The following LAMA2 variants were observed in gnomAD, a reference collection of about 807,000 sequenced individuals.
LAMA2 encodes laminin subunit alpha 2, also known as laminin subunit alpha-2.
In LAMA2, 269 loss-of-function variants were observed where a neutral mutation model predicts 364.8. The observed-to-expected ratio is 0.74, with a 90% CI of 0.67 to 0.82. The LOEUF (loss-of-function observed/expected upper bound fraction) is 0.82, where lower values mean the gene tolerates loss of function less well. Among genes scored for constraint, LAMA2 ranks in the 40% least tolerant of loss-of-function variants. LAMA2 has a pLI of 0.00. For missense variants in LAMA2, 3,807 were observed against 3,873.2 expected (o/e 0.98, Z 0.45); for synonymous variants, 1,379 against 1,370.6 (o/e 1.01, Z -0.14).
chr6:128,911,079 GCTGT>G (rs948757990), intron 1 of LAMA2, among the ~76,000 whole-genome samples: 3 of 152,118 alleles, frequency 2.0e-5, no homozygotes, highest in African/African-American at 7.2e-5. Context: ...AGAGGTTACT[GCTGT>G]CTTTTTGTTT....
intron 45 of LAMA2, among the ~76,000 whole-genome samples, chr6:129,451,381 C>T (rs1314664199): frequency 6.6e-6 from 1 of 152,164 alleles, no homozygotes; most frequent in African/African-American, 2.4e-5. Flanking sequence ...GTCCTGCACC[C>T]AGCAGTTGGC....
intron 1 of LAMA2, among the ~76,000 whole-genome samples, chr6:129,013,211 G>A (rs182337774): frequency 1.2e-3 from 179 of 152,236 alleles, no homozygotes; most frequent in Middle Eastern, 3.4e-3. Flanking sequence ...TGAGGCGGGC[G>A]GATCACGAGG....
At position 129,481,380 on chromosome 6, in the gene LAMA2, C is replaced by G; in HGVS notation, c.7690C>G (p.Leu2564Val). 1 of 1,613,984 alleles carries G rather than the reference C, an allele frequency of 6.2e-7. No homozygotes were observed. The highest frequency in any genetic ancestry group is 8.5e-7 in the Non-Finnish European group (1 of 1,179,904). ...FSTKNESGII[L>V]LGSGGTPAPP... ...CACCAAGAATGAGTCCGGCATCATT[C>G]TTTTGGGAAGTGGAGGGACACCAGC... is the stretch of plus-strand genomic sequence containing the variant. Residue 2564 changes from leucine (L) to valine (V), a missense_variant, in exon 55 of 65, where the codon CTT becomes GTT. By Grantham distance (32) the Leu-to-Val change is conservative (BLOSUM62 1). Transcript: ENST00000421865.
intron 51 of LAMA2, among the ~76,000 whole-genome samples, chr6:129,471,581 T>C (rs1415243082): frequency 3.3e-5 from 5 of 151,914 alleles, no homozygotes; most frequent in Admixed American, 6.6e-5. Context: ...CAGCCCCATA[T>C]GAAAATACCT....
At chr6:129,295,997 T>C (rs748736386) in intron 20 of LAMA2, among the ~76,000 whole-genome samples, 27 of 151,968 alleles carry the variant, frequency 1.8e-4, no homozygotes, top group Non-Finnish European at 3.2e-4. Flanking sequence ...GGGTATGTAA[T>C]TGAAATTTAC....
At chr6:129,193,687 G>A (rs1781672599) in intron 12 of LAMA2, among the ~76,000 whole-genome samples, 1 of 152,128 alleles carries the variant, frequency 6.6e-6, no homozygotes, top group African/African-American at 2.4e-5. Flanking sequence ...GGTGTGATGG[G>A]AAAATCCCTT....
rs114325214 is a variant in LAMA2, at chr6:129,290,119, T to C, written c.2750-1495T>C. Among the ~76,000 whole-genome samples the C allele has an allele frequency of 4.8e-3, 733 of 152,286 alleles. 4 individuals carry two copies. The highest frequency in any genetic ancestry group is 0.017 in the African/African-American group (717 of 41,572). On this transcript the variant is annotated intron_variant, in intron 19 of 64. Transcript: ENST00000421865. ...ACTTTAGCAAAACTTTATACTGCTT[T>C]GTTGTTTTTACGATAACATTAATTA...
intron 3 of LAMA2, among the ~76,000 whole-genome samples, chr6:129,078,871 C>T (rs1389578435): frequency 6.6e-6 from 1 of 152,216 alleles, no homozygotes; most frequent in Non-Finnish European, 1.5e-5. Context: ...CTGGGCACGT[C>T]ATATAAGTGG....
At chr6:129,413,519 C>T (rs1221404712) in intron 40 of LAMA2, among the ~76,000 whole-genome samples, 1 of 152,066 alleles carries the variant, frequency 6.6e-6, no homozygotes, top group Non-Finnish European at 1.5e-5. Flanking sequence ...CAAAGGACCA[C>T]AACCTAGATC....
At chr6:129,337,671 A>G (rs1776031174) in intron 29 of LAMA2, among the ~76,000 whole-genome samples, 2 of 152,134 alleles carry the variant, frequency 1.3e-5, no homozygotes, top group Non-Finnish European at 2.9e-5. Context: ...AGATACTATA[A>G]TATTAATGTT....
chr6:129,234,310 C>T (rs1266849411), intron 12 of LAMA2, among the ~76,000 whole-genome samples: 2 of 152,244 alleles, frequency 1.3e-5, no homozygotes, highest in East Asian at 3.9e-4. Context: ...CATAATACCA[C>T]ACATAGATGA....
At position 129,070,438 on chromosome 6, in the gene LAMA2, GAATATTATTTTACTC is replaced by G. The variant is rs570417819; in HGVS notation, c.396+10548_396+10562del. Among the ~76,000 whole-genome samples the G allele has an allele frequency of 1.8e-3, 277 of 152,136 alleles. 1 individual carries two copies. Among genetic ancestry groups the G allele is most frequent in the Non-Finnish European group, 3.4e-3 (228 of 67,948 alleles). On this transcript the variant is annotated intron_variant, in intron 3 of 64. Coordinates refer to ENST00000421865, the MANE Select transcript of LAMA2 (RefSeq NM_000426.4). ...GAGGTTCACTTTGTATATCACCTAA[GAATATTATTTTACTC>G]AATATATTTTTAGCACTTTATGGAC...
At chr6:129,480,570 TGAATGAATTATAGAAA>T (rs1784296813) in intron 54 of LAMA2, among the ~76,000 whole-genome samples, 1 of 152,030 alleles carries the variant, frequency 6.6e-6, no homozygotes. Flanking sequence ...AATGAATGAA[TGAATGAATTATAGAAA>T]GCTATATGCT....
chr6:129,426,928 A>G (rs954440663), intron 40 of LAMA2, among the ~76,000 whole-genome samples: 1 of 152,154 alleles, frequency 6.6e-6, no homozygotes, highest in Non-Finnish European at 1.5e-5. Context: ...GCACTCTCCA[A>G]CCCTTCTTGC....
In LAMA2 at chr6:129,181,934, T is replaced by C. The variant is rs75402537; in HGVS notation, c.1467+4068T>C. ...TATTAAAACTGGGGGCAAATATCTT[T>C]ATTGTGAGTGTTTACCACTCACAGT... On this transcript the variant is annotated intron_variant, in intron 10 of 64. Transcript: ENST00000421865. Among the ~76,000 whole-genome samples the C allele has an allele frequency of 4.8e-4, 73 of 151,870 alleles. No individual in the cohort carries two copies. In the East Asian group the frequency reaches 9.3e-3, roughly 19 times the overall value.
chr6:129,055,322 G>A (rs1006620733), intron 2 of LAMA2, among the ~76,000 whole-genome samples: 32 of 151,774 alleles, frequency 2.1e-4, no homozygotes, highest in African/African-American at 6.3e-4. Flanking sequence ...CTCCTGAGTA[G>A]CTGGGACTAC....
intron 51 of LAMA2, among the ~76,000 whole-genome samples, chr6:129,465,659 A>G (rs1583817045): frequency 6.6e-6 from 1 of 152,054 alleles, no homozygotes; most frequent in East Asian, 1.9e-4. Flanking sequence ...TAGGAGTGGT[A>G]GGGCATAGTT....
At chr6:129,088,874 C>T (rs1286226186) in intron 3 of LAMA2, among the ~76,000 whole-genome samples, 6 of 151,968 alleles carry the variant, frequency 3.9e-5, no homozygotes, top group Non-Finnish European at 7.4e-5. Flanking sequence ...AGACGATGGG[C>T]GGCCAGGCAG....
chr6:129,028,632 T>G (rs1786004237), intron 1 of LAMA2, among the ~76,000 whole-genome samples: 1 of 151,788 alleles, frequency 6.6e-6, no homozygotes, highest in Non-Finnish European at 1.5e-5. Flanking sequence ...TCAACATGCT[T>G]GGGACAAGTT....
Sources: allele counts gnomAD v4.1 joint callset (sites outside exome capture counted in the v4.1 genomes callset), GRCh38; gene constraint gnomAD v4.1.1; transcripts MANE v1.5; gene names NCBI Gene and HGNC (gene_info 2026-07-23, HGNC 2026-07-21).